FXR1: variants seen among roughly 807,000 people sequenced by gnomAD.
FXR1 encodes the protein FMR1 autosomal homolog 1.
In FXR1, 15 loss-of-function variants were observed where a neutral mutation model predicts 84.0. That is an observed-to-expected ratio of 0.18 (90% CI 0.12 to 0.27). The LOEUF (loss-of-function observed/expected upper bound fraction) is 0.27. FXR1 is among the 10% of genes least tolerant of loss of function. The probability of loss-of-function intolerance (pLI) is 1.00; values close to 1 mark genes in which losing one functional copy is unlikely to be tolerated. For missense variants in FXR1, 480 were observed against 774.4 expected (o/e 0.62, Z 4.51); for synonymous variants, 245 against 250.7 (o/e 0.98, Z 0.21).
At chr3:180,956,601 G>GAGC (rs1722761695) in intron 9 of FXR1, among the ~76,000 whole-genome samples, 1 of 152,102 alleles carries the variant, frequency 6.6e-6, no homozygotes, top group African/African-American at 2.4e-5. Flanking sequence ...GTTGCTGCTT[G>GAGC]AGCTTCACTG....
Position 180,968,218 on chromosome 3 carries a change from G to C in FXR1, c.1366G>C (p.Gly456Arg). ...GRSVSGGRGRGGPRGGKSSIS... is the reference protein window; with the variant it reads ...GRSVSGGRGRRGPRGGKSSIS... ...AAGTGTTTCAGGGGGTCGAGGTCGT[G>C]GTGGACCACGTGGTGGCAAATCCTC... is the stretch of plus-strand genomic sequence containing the variant. The change falls in exon 14 of 17, where the codon GGT (glycine) becomes CGT (arginine). Residue 456 changes from glycine to arginine, a missense_variant. By Grantham distance (125) the Gly-to-Arg change is moderately radical. Coordinates refer to ENST00000357559, the MANE Select transcript of FXR1 (RefSeq NM_005087.4). The C allele has an allele frequency of 1.2e-6, 2 of 1,612,900 alleles. No homozygotes were observed. The highest frequency in any genetic ancestry group is 2.2e-5 in the East Asian group (1 of 44,868).
chr3:180,924,921 GA>G (rs1441059935), intron 1 of FXR1, among the ~76,000 whole-genome samples: 2 of 152,130 alleles, frequency 1.3e-5, no homozygotes, highest in East Asian at 3.9e-4. Context: ...TGTAGTTATT[GA>G]AAAATATCCT....
At chr3:180,976,083 A>G (rs1439341888) in intron 16 of FXR1, 39 bp from the exon 17 acceptor site, 1 of 1,529,138 alleles carries the variant, frequency 6.5e-7, no homozygotes, top group Non-Finnish European at 8.9e-7. Flanking sequence ...TATAGATTTC[A>G]TTTATAAAGA....
intron 15 of FXR1, among the ~76,000 whole-genome samples, chr3:180,973,409 T>C (rs571513007): frequency 1.3e-5 from 2 of 152,358 alleles, no homozygotes; most frequent in East Asian, 3.9e-4. Context: ...CAATTACTTT[T>C]GCACCAACTT....
At chr3:180,964,183 TAAAGA>T (rs1156756775) in intron 13 of FXR1, among the ~76,000 whole-genome samples, 4 of 152,174 alleles carry the variant, frequency 2.6e-5, no homozygotes, top group African/African-American at 7.2e-5. Context: ...AAAATTCTAA[TAAAGA>T]AGTGTTCAGC....
Position 180,920,517 on chromosome 3 carries a change from C to CTT in FXR1, c.51+7798_51+7799dup, listed in dbSNP as rs11359852. Among the ~76,000 whole-genome samples, 170 of 127,336 alleles carry CTT rather than the reference C, an allele frequency of 1.3e-3. 2 individuals are homozygous for CTT. The highest frequency in any genetic ancestry group is 4.2e-3 in the African/African-American group (150 of 35,354). 83.5% of individuals were successfully genotyped at this position (127,336 alleles called of 152,430 possible). On this transcript the variant is annotated intron_variant, in intron 1 of 16. Coordinates refer to ENST00000357559, the MANE Select transcript of FXR1 (RefSeq NM_005087.4). ...ACGAGAAAGTCAGAATAGTTTTGTTCTTTTTTTTTTTTTTTTTTGAGTCTA... is the reference window on the plus strand; with the variant it reads ...ACGAGAAAGTCAGAATAGTTTTGTTCTTTTTTTTTTTTTTTTTTTTGAGTCTA...
At chr3:180,954,348 C>A (rs899094648) in intron 9 of FXR1, among the ~76,000 whole-genome samples, 5 of 152,064 alleles carry the variant, frequency 3.3e-5, no homozygotes, top group Non-Finnish European at 5.9e-5. Flanking sequence ...AAGTTGTGGG[C>A]AGGAGAGAAG....
At chr3:180,972,471 A>G (rs1470300179) in intron 15 of FXR1, among the ~76,000 whole-genome samples, 1 of 152,234 alleles carries the variant, frequency 6.6e-6, no homozygotes, top group Non-Finnish European at 1.5e-5. Flanking sequence ...AATGTTTTAG[A>G]TGAAGAGATT....
intron 4 of FXR1, 121 bp downstream of exon 4, chr3:180,948,057 G>T: frequency 1.5e-6 from 1 of 654,134 alleles, no homozygotes; most frequent in South Asian, 2.1e-5. Context: ...AGAAATAGTT[G>T]ATCAGACATT....
At chr3:180,915,873 A>C (rs1576877889) in intron 1 of FXR1, among the ~76,000 whole-genome samples, 1 of 152,220 alleles carries the variant, frequency 6.6e-6, no homozygotes, top group African/African-American at 2.4e-5. Flanking sequence ...GTAGCCTTTA[A>C]AAAATAGTAT....
rs984722390 is a variant in FXR1, at chr3:180,977,233, T to C, written c.*941T>C. ...GGAGCTATTAATAGGCTTAGGATAG[T>C]ATACTTTGCTTTTTAAAAAGCATTT... On this transcript the variant is annotated 3_prime_UTR_variant, in exon 17 of 17. Transcript: ENST00000357559. 7 of 152,666 alleles carry C rather than the reference T, an allele frequency of 4.6e-5. No individual in the cohort carries two copies. Among genetic ancestry groups the C allele is most frequent in the African/African-American group, 4.8e-5 (2 of 41,572 alleles). The allele number at this position is 152,666 out of a possible 1,614,324, so 9.5% of individuals were successfully genotyped here.
intron 15 of FXR1, among the ~76,000 whole-genome samples, chr3:180,974,836 T>TA (rs956782721): frequency 1.4e-4 from 21 of 151,178 alleles, no homozygotes; most frequent in African/African-American, 3.2e-4. Context: ...AATTGTGCTT[T>TA]AAAAAAAAAC....
intron 13 of FXR1, among the ~76,000 whole-genome samples, chr3:180,963,793 T>C (rs182705433): frequency 2.0e-5 from 3 of 152,336 alleles, no homozygotes; most frequent in Admixed American, 1.3e-4. Flanking sequence ...TTCTCCCTTA[T>C]TCTTCTTCAG....
At chr3:180,924,329 T>C (rs1718923574) in intron 1 of FXR1, among the ~76,000 whole-genome samples, 1 of 152,198 alleles carries the variant, frequency 6.6e-6, no homozygotes, top group African/African-American at 2.4e-5. Flanking sequence ...TAGGTCGTAG[T>C]ACCATTCTAG....
chr3:180,923,804 T>C (rs532248266), intron 1 of FXR1, among the ~76,000 whole-genome samples: 1 of 152,074 alleles, frequency 6.6e-6, no homozygotes, highest in East Asian at 1.9e-4. Flanking sequence ...CCAGGCTGGC[T>C]GGCCTCGAAC....
intron 1 of FXR1, among the ~76,000 whole-genome samples, chr3:180,919,578 C>A (rs117883939): frequency 6.6e-6 from 1 of 151,776 alleles, no homozygotes; most frequent in Non-Finnish European, 1.5e-5. Context: ...GCCACTGCGC[C>A]GGGCCAATAA....
intron 10 of FXR1, 129 bp from the exon 11 acceptor site, chr3:180,961,339 C>CAAAA (rs34386869): frequency 9.6e-4 from 278 of 291,038 alleles, no homozygotes; most frequent in Admixed American, 1.9e-3. Flanking sequence ...GACGTCATCT[C>CAAAA]AAAAAAAAAA....
chr3:180,919,868 A>ATATTG (rs1320274464), intron 1 of FXR1, among the ~76,000 whole-genome samples: 3 of 150,154 alleles, frequency 2.0e-5, no homozygotes, highest in African/African-American at 7.4e-5. Context: ...GGGTTTCACC[A>ATATTG]TATTGGCCAG....
intron 5 of FXR1, 86 bp from the exon 6 acceptor site, chr3:180,948,635 A>G: frequency 1.0e-6 from 1 of 963,714 alleles, no homozygotes; most frequent in East Asian, 2.4e-5. Context: ...GGGGCTTGTC[A>G]AAATGAAACA....
Sources: allele counts gnomAD v4.1 joint callset (sites outside exome capture counted in the v4.1 genomes callset), GRCh38; gene constraint gnomAD v4.1.1; transcripts MANE v1.5; gene names NCBI Gene and HGNC (gene_info 2026-07-23, HGNC 2026-07-21).